The following GOLGA4 variants were observed in gnomAD, a reference collection of about 807,000 sequenced individuals.
GOLGA4 encodes golgin subfamily A member 4.
A neutral mutation model predicts 265.9 loss-of-function variants in GOLGA4; 169 were observed. That is an observed-to-expected ratio of 0.64 (90% CI 0.56 to 0.72). GOLGA4 has a LOEUF of 0.72. GOLGA4 is among the 30% of genes least tolerant of loss of function. The pLI, the probability that GOLGA4 is intolerant of heterozygous loss-of-function variation, is 0.00. For missense variants in GOLGA4, 2,482 were observed against 2,483.4 expected, an observed-to-expected ratio of 1.00 and a Z score of 0.01; for synonymous variants, 923 against 855.8, an observed-to-expected ratio of 1.08 and a Z score of -1.37.
rs974958956 is a variant in GOLGA4 at position 37,299,742 on chromosome 3, A to G, written c.1086+371A>G. Among the ~76,000 whole-genome samples the G allele has an allele frequency of 2.6e-5, 4 of 152,308 alleles. No individual in the cohort carries two copies. In the Middle Eastern group the frequency reaches 0.01, roughly 389 times the overall value. On this transcript the variant is annotated intron_variant, in intron 9 of 23. Transcript: ENST00000361924. ...ATATGGAAACAGATTAATCTCTCAG[A>G]TAAGTTGCCTAACAAATAAATAAGG...
chr3:37,271,052 G>A (rs114432104), intron 2 of GOLGA4, among the ~76,000 whole-genome samples: 57 of 152,042 alleles, frequency 3.7e-4, no homozygotes, highest in Admixed American at 7.2e-4. Flanking sequence ...AGCAGAGTTC[G>A]CACTTCTATG....
At chr3:37,344,775 A>C (rs2097050788) in intron 20 of GOLGA4, among the ~76,000 whole-genome samples, 1 of 152,212 alleles carries the variant, frequency 6.6e-6, no homozygotes, top group South Asian at 2.1e-4. Context: ...AAGTTACTTA[A>C]TGCATACATA....
At chr3:37,278,410 C>T (rs1458157396) in intron 2 of GOLGA4, among the ~76,000 whole-genome samples, 1 of 152,048 alleles carries the variant, frequency 6.6e-6, no homozygotes, top group Non-Finnish European at 1.5e-5. Flanking sequence ...ACCATGTTGG[C>T]CAGTCTGGTC....
intron 2 of GOLGA4, 92 bp downstream of exon 2, chr3:37,251,576 G>A (rs2096733795): frequency 2.7e-6 from 2 of 740,248 alleles, no homozygotes; most frequent in Non-Finnish European, 4.6e-6. Context: ...CTTTTGACAG[G>A]TCAGCTATTT....
intron 20 of GOLGA4, among the ~76,000 whole-genome samples, chr3:37,346,049 A>C (rs537949063): frequency 6.6e-6 from 1 of 152,354 alleles, no homozygotes; most frequent in African/African-American, 2.4e-5. Context: ...AAAATACTCA[A>C]ATATGATATA....
intron 2 of GOLGA4, among the ~76,000 whole-genome samples, chr3:37,275,231 A>G (rs1246913892): frequency 6.0e-5 from 9 of 149,960 alleles, no homozygotes; most frequent in African/African-American, 1.5e-4. Context: ...AAAAAAAAAA[A>G]AAAAAAAAAA....
chr3:37,360,652 T>G (rs1696182022), intron 22 of GOLGA4, among the ~76,000 whole-genome samples: 1 of 152,164 alleles, frequency 6.6e-6, no homozygotes, highest in Non-Finnish European at 1.5e-5. Flanking sequence ...TATTTAAGGT[T>G]TGTCACAGTA....
intron 20 of GOLGA4, among the ~76,000 whole-genome samples, chr3:37,343,400 C>CGT (rs2097045102): frequency 6.6e-6 from 1 of 151,964 alleles, no homozygotes; most frequent in Non-Finnish European, 1.5e-5. Flanking sequence ...GGATTACAGA[C>CGT]GTGAGCCACC....
At chr3:37,356,297 G>T (rs2097090907) in intron 22 of GOLGA4, among the ~76,000 whole-genome samples, 1 of 152,022 alleles carries the variant, frequency 6.6e-6, no homozygotes, top group South Asian at 2.1e-4. Context: ...GCCCTGAAGG[G>T]ACCCCAATAT....
intron 4 of GOLGA4, among the ~76,000 whole-genome samples, chr3:37,288,773 C>T (rs1418126070): frequency 1.3e-5 from 2 of 152,072 alleles, no homozygotes; most frequent in Non-Finnish European, 2.9e-5. Context: ...CCACTGCGCC[C>T]GGCTGGTTTT....
intron 17 of GOLGA4, 37 bp from the exon 18 acceptor site, chr3:37,337,106 T>C (rs1158664248): frequency 1.6e-6 from 2 of 1,255,284 alleles, no homozygotes; most frequent in Admixed American, 1.8e-5. Flanking sequence ...ATAGCTATTA[T>C]TGTATACACT....
chr3:37,258,988 C>G (rs892458487), intron 2 of GOLGA4, among the ~76,000 whole-genome samples: 1 of 151,842 alleles, frequency 6.6e-6, no homozygotes, highest in South Asian at 2.1e-4. Flanking sequence ...TAATACAGCC[C>G]CCATGAAACG....
chr3:37,323,272 G>A (rs1170051106), intron 13 of GOLGA4, among the ~76,000 whole-genome samples: 2 of 151,826 alleles, frequency 1.3e-5, no homozygotes, highest in South Asian at 2.1e-4. Flanking sequence ...GACTACAGCC[G>A]CATGCTACCA....
chr3:37,294,449 GC>G (rs1441913454), intron 5 of GOLGA4, among the ~76,000 whole-genome samples: 1 of 149,274 alleles, frequency 6.7e-6, no homozygotes, highest in Non-Finnish European at 1.5e-5. Context: ...GCAGTGGCAA[GC>G]CTCAACTCAC....
Position 37,271,030 on chromosome 3 carries a change from T to C in GOLGA4, c.163-10928T>C, listed in dbSNP as rs1402225840. ...GACCACGCAACCTAGATCCTTCATA[T>C]GCACAGTTCACAGCAGAGTTCGCAC... On this transcript the variant is annotated intron_variant, in intron 2 of 23. Coordinates refer to ENST00000361924, the MANE Select transcript of GOLGA4 (RefSeq NM_002078.5). Among the ~76,000 whole-genome samples, 3 of 152,184 alleles carry C rather than the reference T, an allele frequency of 2.0e-5. No homozygotes were observed. The East Asian group carries it at 5.8e-4, about 29-fold the overall frequency.
At chr3:37,308,989 G>A (rs2096915232) in intron 10 of GOLGA4, among the ~76,000 whole-genome samples, 2 of 151,872 alleles carry the variant, frequency 1.3e-5, no homozygotes, top group Admixed American at 6.6e-5. Flanking sequence ...GGTGGCTCAT[G>A]CCTGTAATCC....
intron 2 of GOLGA4, among the ~76,000 whole-genome samples, chr3:37,258,067 ATGTATATATATATGTG>A (rs1560281039): frequency 1.2e-5 from 1 of 80,290 alleles, no homozygotes; most frequent in Non-Finnish European, 2.8e-5. Flanking sequence ...GTATGTATAT[ATGTATATATATATGTG>A]TGTATATATA....
Position 37,361,292 on chromosome 3 carries a change from T to G in GOLGA4, c.*20T>G. The G allele has an allele frequency of 6.2e-7, 1 of 1,610,942 alleles. No homozygotes were observed. Among genetic ancestry groups the G allele is most frequent in the Non-Finnish European group, 8.5e-7 (1 of 1,177,210 alleles). On this transcript the variant is annotated 3_prime_UTR_variant, in exon 23 of 24. Coordinates refer to ENST00000361924, the MANE Select transcript of GOLGA4 (RefSeq NM_002078.5). ...TTCTGAGTAAACCATCAGTCTGTGC[T>G]TAGTTAACATGTGGTGAGTGAAGAA...
chr3:37,331,819 C>T (rs1368031987), intron 16 of GOLGA4, among the ~76,000 whole-genome samples: 2 of 144,330 alleles, frequency 1.4e-5, no homozygotes, highest in Non-Finnish European at 3.2e-5. Context: ...TCCTGTGTCT[C>T]TAAACACCAT....
Sources: allele counts gnomAD v4.1 joint callset (sites outside exome capture counted in the v4.1 genomes callset), GRCh38; gene constraint gnomAD v4.1.1; transcripts MANE v1.5; gene names NCBI Gene and HGNC (gene_info 2026-07-23, HGNC 2026-07-21).